Variants in STARD13 observed in about 807,000 individuals in gnomAD.
STARD13 encodes StAR related lipid transfer domain containing 13.
Under a neutral mutation model 106.4 loss-of-function variants are expected in STARD13, and 62 were observed. That is an observed-to-expected ratio of 0.58 (90% CI 0.48 to 0.72). The LOEUF (loss-of-function observed/expected upper bound fraction) is 0.72. STARD13 is among the 30% of genes least tolerant of loss of function. STARD13 has a pLI of 0.00. For synonymous variants in STARD13, 565 were observed against 553.0 expected (o/e 1.02, Z -0.31); for missense variants, 1,387 against 1,424.0 (o/e 0.97, Z 0.42).
the STARD13 span, among the ~76,000 whole-genome samples, chr13:33,546,817 T>C: frequency 1.3e-5 from 2 of 152,108 alleles, no homozygotes; most frequent in Non-Finnish European, 2.9e-5. Context: ...TTGTAATCAA[T>C]TTAAGCCTAA....
chr13:33,324,802 C>CGA (rs1893680144), intron 1 of STARD13, among the ~76,000 whole-genome samples: 1 of 152,170 alleles, frequency 6.6e-6, no homozygotes, highest in South Asian at 2.1e-4. Flanking sequence ...CATGTGTTTT[C>CGA]TGAGTACATG....
In STARD13 at chr13:33,129,729, T is replaced by A. The variant is rs1593912117; in HGVS notation, c.948A>T (p.Pro316=). 1.2e-6 allele frequency: 2 copies of A among 1,614,072 alleles called. No individual in the cohort carries two copies. The highest frequency in any genetic ancestry group is 1.7e-6 in the Non-Finnish European group (2 of 1,180,034). The part of the protein sequence containing the change: ...IPNGDLQNSP[P]PACRKGLPCS... Reference sequence around the variant, plus strand: ...ATGGGAGCCCTTTTCTGCAGGCAGGTGGCGGCGAATTCTGGAGATCTCCAT... The same window carrying A: ...ATGGGAGCCCTTTTCTGCAGGCAGGAGGCGGCGAATTCTGGAGATCTCCAT... The change falls in exon 5 of 14, where the codon CCA becomes CCT. Residue 316 remains proline (P), a synonymous_variant. Coordinates refer to ENST00000336934, the MANE Select transcript of STARD13 (RefSeq NM_178006.4).
chr13:33,133,816 C>T (rs1207288247), intron 4 of STARD13, among the ~76,000 whole-genome samples: 3 of 152,264 alleles, frequency 2.0e-5, no homozygotes, highest in Non-Finnish European at 2.9e-5. Flanking sequence ...ATGAAAAACA[C>T]ATTGCAGTAG....
chr13:33,201,004 T>C (rs912467158), intron 1 of STARD13, among the ~76,000 whole-genome samples: 3 of 151,334 alleles, frequency 2.0e-5, no homozygotes, highest in Non-Finnish European at 2.9e-5. Flanking sequence ...CCAGCCTGGG[T>C]GACAGAGTGA....
In STARD13 at chr13:33,219,518, C is replaced by CAAAAAA. The variant is rs55933962; in HGVS notation, c.170-51902_170-51897dup. On this transcript the variant is annotated intron_variant, in intron 1 of 13. Transcript: ENST00000336934. ...TGGGCGACAGAGTGAGACTCCTTCT[C>CAAAAAA]AAAAAAAAAAAAAAAAAAAAAAAAA... Among the ~76,000 whole-genome samples the CAAAAAA allele has an allele frequency of 2.7e-3, 165 of 61,240 alleles. 9 individuals carry two copies. The highest frequency in any genetic ancestry group is 9.8e-3 in the African/African-American group (149 of 15,134). The allele number at this position is 61,240 out of a possible 152,430, so 40.2% of individuals were successfully genotyped here.
At chr13:33,270,627 G>A (rs1326400869) in intron 1 of STARD13, among the ~76,000 whole-genome samples, 1 of 152,186 alleles carries the variant, frequency 6.6e-6, no homozygotes, top group Non-Finnish European at 1.5e-5. Flanking sequence ...ACGTGCTCGA[G>A]AACCCAGGCC....
chr13:33,603,951 T>C, the STARD13 span, among the ~76,000 whole-genome samples: 30 of 152,038 alleles, frequency 2.0e-4, no homozygotes, highest in Non-Finnish European at 3.8e-4. Flanking sequence ...AAAATAATAA[T>C]TTTTAAAAGG....
the STARD13 span, among the ~76,000 whole-genome samples, chr13:33,446,999 T>C: frequency 6.6e-6 from 1 of 152,234 alleles, no homozygotes; most frequent in Non-Finnish European, 1.5e-5. Context: ...TTTCTGTGTA[T>C]ATTTTATACA....
chr13:33,275,628 T>C (rs185695315), intron 1 of STARD13: 8 of 152,218 alleles, frequency 5.3e-5, no homozygotes, highest in South Asian at 4.1e-4. Context: ...ATTAGAGTTA[T>C]AGTAAGTTTG....
At chr13:33,586,869 C>T in the STARD13 span, among the ~76,000 whole-genome samples, 1 of 152,094 alleles carries the variant, frequency 6.6e-6, no homozygotes, top group African/African-American at 2.4e-5. Context: ...GCCAATCATA[C>T]AAAATAGTGG....
At chr13:33,544,766 TTC>T in the STARD13 span, among the ~76,000 whole-genome samples, 35 of 144,386 alleles carry the variant, frequency 2.4e-4, no homozygotes, top group African/African-American at 5.9e-4. Flanking sequence ...TTGTTGTTTT[TTC>T]TCTTTTTTTT....
the STARD13 span, among the ~76,000 whole-genome samples, chr13:33,638,643 C>A: frequency 6.6e-6 from 1 of 152,154 alleles, no homozygotes; most frequent in African/African-American, 2.4e-5. Flanking sequence ...AAAGTCTTTT[C>A]TATCAGTCTT....
intron 1 of STARD13, among the ~76,000 whole-genome samples, chr13:33,327,474 A>G (rs1009167347): frequency 1.3e-5 from 2 of 152,306 alleles, no homozygotes; most frequent in Admixed American, 6.5e-5. Context: ...GGGTCAAGCG[A>G]TCCTTCTGCC....
Position 33,127,536 on chromosome 13 carries a change from A to T in STARD13, c.1759T>A (p.Trp587Arg). Residue 587 changes from tryptophan (W) to arginine (R), a missense_variant, in exon 6 of 14, where the codon TGG becomes AGG. Trp to Arg is a moderately radical substitution (Grantham distance 101, BLOSUM62 -3). Coordinates refer to ENST00000336934, the MANE Select transcript of STARD13 (RefSeq NM_178006.4). ...SLTRPNRRLR[W>R]NSFQLSHQPR... ...TGGTGCGACAGCTGGAAACTGTTCC[A>T]TCGGAGTCGCCTTTACCAGAGAGAC... 6.5e-7 allele frequency: 1 copy of T among 1,546,662 alleles called. No homozygotes were observed. Among genetic ancestry groups the T allele is most frequent in the Non-Finnish European group, 8.7e-7 (1 of 1,154,028 alleles).
At chr13:33,142,219 A>T in intron 4 of STARD13, 91 bp downstream of exon 4, 2 of 964,024 alleles carry the variant, frequency 2.1e-6, no homozygotes, top group Non-Finnish European at 3.3e-6. Flanking sequence ...TTTTTTGTAG[A>T]CACAAGGGTC....
rs756536134 is a variant in STARD13 at position 33,110,910 on chromosome 13, A to G, written c.2608-3T>C. 3.0e-5 allele frequency: 49 copies of G among 1,611,958 alleles called. No individual in the cohort carries two copies. Among genetic ancestry groups the G allele is most frequent in the Non-Finnish European group, 3.9e-5 (46 of 1,179,316 alleles). On this transcript the variant is annotated splice_polypyrimidine_tract_variant and splice_region_variant and intron_variant, in intron 10 of 13. Transcript: ENST00000336934. ...TGGGCCACCAACTCGTGTGGAACCTAGACCAACGGATGCATGAAAGGGCAA... is the reference window on the plus strand; with the variant it reads ...TGGGCCACCAACTCGTGTGGAACCTGGACCAACGGATGCATGAAAGGGCAA...
intron 4 of STARD13, among the ~76,000 whole-genome samples, chr13:33,141,011 G>T (rs538656160): frequency 7.9e-5 from 12 of 152,236 alleles, no homozygotes; most frequent in South Asian, 6.2e-4. Context: ...ACCTGTCTTG[G>T]GCTCCCAAAT....
At chr13:33,569,485 A>C in the STARD13 span, among the ~76,000 whole-genome samples, 1 of 147,750 alleles carries the variant, frequency 6.8e-6, no homozygotes, top group Non-Finnish European at 1.5e-5. Flanking sequence ...TTTATGTTCA[A>C]TTGTGAGATC....
chr13:33,183,292 A>G (rs1305334289), intron 1 of STARD13, among the ~76,000 whole-genome samples: 1 of 152,214 alleles, frequency 6.6e-6, no homozygotes, highest in Non-Finnish European at 1.5e-5. Flanking sequence ...TGCTCAAGAC[A>G]TGCTGAATTA....
Sources: gnomAD v4.1 joint callset for allele counts (sites outside exome capture counted in the v4.1 genomes callset) on GRCh38, gnomAD v4.1.1 for gene constraint, MANE v1.5 for transcripts, NCBI Gene and HGNC (gene_info 2026-07-23, HGNC 2026-07-21) for gene names.